SDC2: variants seen among roughly 807,000 people sequenced by gnomAD.
SDC2 encodes the protein syndecan 2, also known as syndecan-2.
In SDC2, 13 loss-of-function variants were observed where a neutral mutation model predicts 22.2. The ratio of observed to expected loss-of-function variants is 0.59; its 90% CI spans 0.38 to 0.93. SDC2 has a LOEUF of 0.93. Among genes scored for constraint, SDC2 ranks in the 40% least tolerant of loss-of-function variants. SDC2 has a pLI of 0.00. For missense variants in SDC2, 235 were observed against 246.8 expected (o/e 0.95, Z 0.32); for synonymous variants, 94 against 92.8 (o/e 1.01, Z -0.07).
chr8:96,494,258 G>A lies in SDC2; in HGVS notation c.-14G>A. 1 of 1,543,680 alleles carries A rather than the reference G, an allele frequency of 6.5e-7. No homozygotes were observed. The highest frequency in any genetic ancestry group is 8.7e-7 in the Non-Finnish European group (1 of 1,147,800). ...TTGCAAGCAGCGGCTGGGAGCAGCCGGTCCCTGGGGAATATGCGGCGCGCG... is the reference window on the plus strand; with the variant it reads ...TTGCAAGCAGCGGCTGGGAGCAGCCAGTCCCTGGGGAATATGCGGCGCGCG... On this transcript the variant is annotated 5_prime_UTR_variant, in exon 1 of 5. Transcript: ENST00000302190.
At chr8:96,561,377 G>C (rs1175926342) in intron 1 of SDC2, among the ~76,000 whole-genome samples, 1 of 152,162 alleles carries the variant, frequency 6.6e-6, no homozygotes, top group African/African-American at 2.4e-5. Context: ...ACAAAGCTGA[G>C]GGGAGGAAGA....
At chr8:96,494,562 G>C (rs560532639) in intron 1 of SDC2, among the ~76,000 whole-genome samples, 1 of 152,340 alleles carries the variant, frequency 6.6e-6, no homozygotes, top group African/African-American at 2.4e-5. Context: ...GGGGCACCGA[G>C]AATTGCGGTT....
At position 96,611,155 on chromosome 8, in the gene SDC2, A is replaced by AG; in HGVS notation, c.*1607_*1608insG. On this transcript the variant is annotated 3_prime_UTR_variant, in exon 5 of 5. Coordinates refer to ENST00000302190, the MANE Select transcript of SDC2 (RefSeq NM_002998.4). ...AGGCAGGGAGGCTCTGTGTGTTAAAATGAGGGTCTCACTGCTTTAGGATTG... is the reference window on the plus strand; with the variant it reads ...AGGCAGGGAGGCTCTGTGTGTTAAAAGTGAGGGTCTCACTGCTTTAGGATTG... The AG allele has an allele frequency of 6.5e-6, 1 of 152,736 alleles. No individual in the cohort carries two copies. The highest frequency in any genetic ancestry group is 1.5e-5 in the Non-Finnish European group (1 of 68,042). The allele number at this position is 152,736 out of a possible 1,614,324, so 9.5% of individuals were successfully genotyped here.
At chr8:96,542,580 C>T (rs944170309) in intron 1 of SDC2, among the ~76,000 whole-genome samples, 1 of 152,044 alleles carries the variant, frequency 6.6e-6, no homozygotes, top group Non-Finnish European at 1.5e-5. Flanking sequence ...TCAGGTGTTG[C>T]CCCAGTACAC....
At chr8:96,597,029 G>A (rs997491217) in intron 2 of SDC2, among the ~76,000 whole-genome samples, 2 of 152,148 alleles carry the variant, frequency 1.3e-5, no homozygotes, top group Non-Finnish European at 2.9e-5. Flanking sequence ...CCTTTCCTCT[G>A]TCATGTAGCA....
chr8:96,603,764 C>G (rs1358444569), intron 3 of SDC2, among the ~76,000 whole-genome samples: 2 of 152,040 alleles, frequency 1.3e-5, no homozygotes, highest in African/African-American at 4.8e-5. Context: ...GGAAGCCAGC[C>G]CTGTCCAAAT....
At chr8:96,564,027 C>G (rs1180462037) in intron 1 of SDC2, among the ~76,000 whole-genome samples, 1 of 152,196 alleles carries the variant, frequency 6.6e-6, no homozygotes, top group Non-Finnish European at 1.5e-5. Flanking sequence ...GGCAGTTTAG[C>G]CAAGGGATGC....
intron 1 of SDC2, among the ~76,000 whole-genome samples, chr8:96,582,891 G>A (rs79476295): frequency 0.018 from 2,719 of 152,212 alleles, 52 homozygotes; most frequent in Non-Finnish European, 0.028. Context: ...TAACCCAGGA[G>A]CAAGGAGGCG....
At chr8:96,582,388 C>T (rs185943249) in intron 1 of SDC2, among the ~76,000 whole-genome samples, 23 of 152,240 alleles carry the variant, frequency 1.5e-4, no homozygotes, top group Admixed American at 4.6e-4. Context: ...ATTAAAAACC[C>T]TACCGTTCAG....
intron 1 of SDC2, among the ~76,000 whole-genome samples, chr8:96,570,841 T>C (rs555887937): frequency 2.0e-5 from 3 of 152,202 alleles, no homozygotes; most frequent in Non-Finnish European, 4.4e-5. Context: ...GACACTTTTA[T>C]TGCACTTATG....
intron 1 of SDC2, among the ~76,000 whole-genome samples, chr8:96,541,888 A>G (rs1394488929): frequency 6.6e-6 from 1 of 152,164 alleles, no homozygotes; most frequent in Admixed American, 6.5e-5. Flanking sequence ...AAAAATGTTT[A>G]TTGAGCACCT....
chr8:96,547,482 G>A (rs1001704180), intron 1 of SDC2, among the ~76,000 whole-genome samples: 1 of 152,188 alleles, frequency 6.6e-6, no homozygotes, highest in Non-Finnish European at 1.5e-5. Flanking sequence ...GGAACTGTTA[G>A]GCGGCTCCAT....
At chr8:96,575,866 C>T (rs1563667535) in intron 1 of SDC2, among the ~76,000 whole-genome samples, 1 of 152,196 alleles carries the variant, frequency 6.6e-6, no homozygotes, top group Non-Finnish European at 1.5e-5. Context: ...AATGAAAGTG[C>T]ACCAAAGAGT....
intron 1 of SDC2, among the ~76,000 whole-genome samples, chr8:96,545,059 G>A (rs1813909961): frequency 6.6e-6 from 1 of 152,144 alleles, no homozygotes; most frequent in African/African-American, 2.4e-5. Context: ...TATCCTTTTA[G>A]GCTAAGCTGC....
At chr8:96,526,909 G>C (rs1813587191) in intron 1 of SDC2, among the ~76,000 whole-genome samples, 1 of 152,160 alleles carries the variant, frequency 6.6e-6, no homozygotes, top group African/African-American at 2.4e-5. Context: ...CTGGTTTGGA[G>C]CAGACAGGTA....
At chr8:96,505,835 A>G (rs898778749) in intron 1 of SDC2, among the ~76,000 whole-genome samples, 2 of 152,212 alleles carry the variant, frequency 1.3e-5, no homozygotes, top group African/African-American at 4.8e-5. Context: ...ACAAAGCTCT[A>G]TGTTGGTCCT....
chr8:96,519,146 A>G (rs576707965), intron 1 of SDC2, among the ~76,000 whole-genome samples: 10 of 152,244 alleles, frequency 6.6e-5, no homozygotes, highest in African/African-American at 2.4e-4. Flanking sequence ...GAGCCTTGCT[A>G]GGGGAGAGAG....
intron 1 of SDC2, among the ~76,000 whole-genome samples, chr8:96,588,920 G>A (rs2130623824): frequency 6.6e-6 from 1 of 152,286 alleles, no homozygotes; most frequent in African/African-American, 2.4e-5. Context: ...CATGGTATTT[G>A]TTCAGTGTAG....
intron 1 of SDC2, among the ~76,000 whole-genome samples, chr8:96,542,220 T>C (rs954042229): frequency 6.6e-6 from 1 of 152,236 alleles, no homozygotes; most frequent in Non-Finnish European, 1.5e-5. Context: ...TGTCTTCTGC[T>C]CTTTTCCTAA....
Sources: allele counts gnomAD v4.1 joint callset (sites outside exome capture counted in the v4.1 genomes callset), GRCh38; gene constraint gnomAD v4.1.1; transcripts MANE v1.5; gene names NCBI Gene and HGNC (gene_info 2026-07-23, HGNC 2026-07-21).